The following LRP5 variants were observed in gnomAD, a reference collection of about 807,000 sequenced individuals.
LRP5 encodes the protein LDL receptor related protein 5.
LRP5 carries 62 observed loss-of-function variants against 154.1 expected under a neutral mutation model. The ratio of observed to expected loss-of-function variants is 0.40; its 90% CI spans 0.33 to 0.50. The LOEUF (loss-of-function observed/expected upper bound fraction) is 0.50. LRP5 is among the 20% of genes least tolerant of loss of function. The pLI is 0.55. For synonymous variants in LRP5, 966 were observed against 1,011.5 expected, an observed-to-expected ratio of 0.96 and a Z score of 0.85; for missense variants, 1,915 against 2,336.7, an observed-to-expected ratio of 0.82 and a Z score of 3.72.
intron 1 of LRP5, among the ~76,000 whole-genome samples, chr11:68,323,207 C>T (rs1349840662): frequency 6.6e-6 from 1 of 152,194 alleles, no homozygotes; most frequent in African/African-American, 2.4e-5. Context: ...CTCCTGGGTT[C>T]AAGCAGTTCT....
At chr11:68,425,948 T>C (rs755965595) in intron 15 of LRP5, 30 bp from the exon 16 acceptor site, 1 of 1,598,804 alleles carries the variant, frequency 6.3e-7, no homozygotes, top group Admixed American at 1.7e-5. Flanking sequence ...AGGTCAGCAC[T>C]GCTCAGGGGG....
At chr11:68,424,770 T>G (rs952383392) in intron 14 of LRP5, among the ~76,000 whole-genome samples, 1 of 152,196 alleles carries the variant, frequency 6.6e-6, no homozygotes, top group Non-Finnish European at 1.5e-5. Flanking sequence ...GTCACTCCAG[T>G]CTCTCTGTCT....
At chr11:68,411,652 G>A (rs1428746157) in intron 11 of LRP5, 32 bp downstream of exon 11, 1 of 1,591,380 alleles carries the variant, frequency 6.3e-7, no homozygotes, top group Non-Finnish European at 8.6e-7. Flanking sequence ...TCTGGTCATG[G>A]AGGGCGGGGC....
At chr11:68,438,714 G>A in intron 20 of LRP5, 32 bp downstream of exon 20, 1 of 1,595,414 alleles carries the variant, frequency 6.3e-7, no homozygotes, top group Non-Finnish European at 8.5e-7. Context: ...ATGATCTGGA[G>A]GAGGCAGGAG....
intron 7 of LRP5, among the ~76,000 whole-genome samples, chr11:68,391,603 G>A (rs1464284777): frequency 6.6e-6 from 1 of 152,162 alleles, no homozygotes; most frequent in Non-Finnish European, 1.5e-5. Context: ...CTTCAGGGTG[G>A]GGAACCCAGG....
chr11:68,377,428 G>A (rs1369889814), intron 5 of LRP5, among the ~76,000 whole-genome samples: 1 of 152,166 alleles, frequency 6.6e-6, no homozygotes, highest in Non-Finnish European at 1.5e-5. Flanking sequence ...CACCGTGCAG[G>A]TGACAGTGGC....
chr11:68,350,090 G>A (rs1390978861), intron 2 of LRP5, among the ~76,000 whole-genome samples: 4 of 152,292 alleles, frequency 2.6e-5, no homozygotes, highest in Middle Eastern at 3.4e-3. Context: ...TCTTCTTTGC[G>A]CAATGGCACG....
intron 1 of LRP5, among the ~76,000 whole-genome samples, chr11:68,320,258 A>G (rs1300137873): frequency 1.3e-5 from 2 of 152,128 alleles, no homozygotes; most frequent in African/African-American, 4.8e-5. Context: ...ACACTTTCCT[A>G]TATCCTCTCT....
At chr11:68,403,414 C>A in intron 7 of LRP5, 69 bp from the exon 8 acceptor site, 1 of 1,413,108 alleles carries the variant, frequency 7.1e-7, no homozygotes, top group Non-Finnish European at 1.0e-6. Context: ...AGGCCCCAGG[C>A]AGGGTCCGGG....
intron 5 of LRP5, among the ~76,000 whole-genome samples, chr11:68,376,713 C>G (rs1247849264): frequency 1.3e-5 from 2 of 152,362 alleles, no homozygotes; most frequent in East Asian, 3.9e-4. Flanking sequence ...TACAAGTAAC[C>G]GCTGCTGTCC....
chr11:68,328,827 A>C (rs893876724), intron 1 of LRP5, among the ~76,000 whole-genome samples: 1 of 152,106 alleles, frequency 6.6e-6, no homozygotes, highest in Admixed American at 6.5e-5. Context: ...CCTTTCTTGC[A>C]TCAAATGCTG....
intron 18 of LRP5, 96 bp from the exon 19 acceptor site, chr11:68,436,793 C>T (rs2098675232): frequency 1.2e-6 from 1 of 847,726 alleles, no homozygotes; most frequent in Admixed American, 1.8e-5. Context: ...CATCTGTCTG[C>T]TCTCTGTTTG....
Position 68,363,913 on chromosome 11 carries a change from C to T in LRP5, c.853C>T (p.Gln285Ter). ...LSALYSPMDI[Q>*]VLSQERQPFF... is the part of the protein sequence containing the mutation. ...TGCCCTCTACTCACCCATGGACATC[C>T]AGGTGCTGAGCCAGGAGCGGCAGCC... The change falls in exon 4 of 23, where the codon CAG (glutamine) becomes TAG (stop). Residue 285 changes from glutamine to a stop codon, truncating the protein, a stop_gained. Transcript: ENST00000294304. LOFTEE classifies it high-confidence loss of function. The T allele has an allele frequency of 6.2e-7, 1 of 1,611,216 alleles. No individual in the cohort carries two copies. Among genetic ancestry groups the T allele is most frequent in the Non-Finnish European group, 8.5e-7 (1 of 1,179,200 alleles).
intron 20 of LRP5, among the ~76,000 whole-genome samples, chr11:68,439,346 T>C (rs148953430): frequency 3.3e-4 from 50 of 152,308 alleles, no homozygotes; most frequent in African/African-American, 1.2e-3. Context: ...GCCGGCCTCA[T>C]TGGGAGCCTG....
the LRP5 span, among the ~76,000 whole-genome samples, chr11:68,301,654 A>G: frequency 7.1e-6 from 1 of 141,480 alleles, no homozygotes; most frequent in South Asian, 2.2e-4. Context: ...ATGGAGTTTC[A>G]CTCTGTCGCC....
At chr11:68,373,931 C>T (rs970265389) in intron 5 of LRP5, among the ~76,000 whole-genome samples, 1 of 152,158 alleles carries the variant, frequency 6.6e-6, no homozygotes, top group African/African-American at 2.4e-5. Flanking sequence ...GTGCACCATG[C>T]CACTCGGGCC....
intron 21 of LRP5, among the ~76,000 whole-genome samples, chr11:68,445,260 C>T (rs952906832): frequency 3.3e-5 from 5 of 152,042 alleles, no homozygotes; most frequent in Admixed American, 2.0e-4. Flanking sequence ...CCACCACACC[C>T]GGCTAATTTT....
intron 1 of LRP5, among the ~76,000 whole-genome samples, chr11:68,346,331 G>A (rs565499958): frequency 2.0e-5 from 3 of 152,370 alleles, no homozygotes; most frequent in African/African-American, 4.8e-5. Context: ...CAGGTCCTCT[G>A]TGTGTCCTCC....
intron 2 of LRP5, among the ~76,000 whole-genome samples, chr11:68,351,185 C>T (rs1388120831): frequency 6.6e-6 from 1 of 152,150 alleles, no homozygotes; most frequent in Non-Finnish European, 1.5e-5. Context: ...CGTGCCCCCA[C>T]TACCTGAGAA....
Sources: gnomAD v4.1 joint callset for allele counts (sites outside exome capture counted in the v4.1 genomes callset) on GRCh38, gnomAD v4.1.1 for gene constraint, MANE v1.5 for transcripts, NCBI Gene and HGNC (gene_info 2026-07-23, HGNC 2026-07-21) for gene names.